LRRC28: variants seen among roughly 807,000 people sequenced by gnomAD.
LRRC28 encodes leucine-rich repeat-containing protein 28.
A neutral mutation model predicts 45.7 loss-of-function variants in LRRC28; 39 were observed. That is an observed-to-expected ratio of 0.85 (90% CI 0.66 to 1.12). The LOEUF is 1.12. Among genes scored for constraint, LRRC28 ranks in the 50% most tolerant of loss-of-function variants. LRRC28 has a pLI of 0.00. For missense variants in LRRC28, 435 were observed against 438.5 expected (o/e 0.99, Z 0.07); for synonymous variants, 206 against 178.8 (o/e 1.15, Z -1.22).
chr15:99,354,557 C>T lies in LRRC28; in HGVS notation c.695+2086C>T, dbSNP rs532617037. Among the ~76,000 whole-genome samples, 9 of 152,282 alleles carry T rather than the reference C, an allele frequency of 5.9e-5. No individual in the cohort carries two copies. The South Asian group carries it at 8.3e-4, about 14-fold the overall frequency. On this transcript the variant is annotated intron_variant, in intron 7 of 9. Transcript: ENST00000301981. ...AAAGTGCCCTTCTTGATTCAGAACACGAATTTTGGTCCAGTTGTTCCTTCA... is the reference window on the plus strand; with the variant it reads ...AAAGTGCCCTTCTTGATTCAGAACATGAATTTTGGTCCAGTTGTTCCTTCA...
At position 99,387,634 on chromosome 15, in the gene LRRC28, T is replaced by G. The variant is rs1482204558; in HGVS notation, c.*1532T>G. The G allele has an allele frequency of 1.3e-5, 2 of 152,234 alleles. No individual in the cohort carries two copies. The highest frequency in any genetic ancestry group is 6.5e-5 in the Admixed American group (1 of 15,284). 9.4% of individuals were successfully genotyped at this position (152,234 alleles called of 1,614,324 possible). A position where few individuals can be genotyped will look rare whatever the true frequency, so the allele number is the denominator to read the frequency against. ...TGCTCTTCCTTTCAAAGGATGGCAT[T>G]TTAATGTTGCTTTGCTGCCAGATGT... On this transcript the variant is annotated 3_prime_UTR_variant, in exon 10 of 10. Transcript: ENST00000301981.
chr15:99,379,820 G>T (rs550240998), intron 9 of LRRC28, among the ~76,000 whole-genome samples: 2 of 152,318 alleles, frequency 1.3e-5, no homozygotes, highest in South Asian at 4.1e-4. Context: ...TTCAGGAGCA[G>T]GTTGTTCAGT....
At chr15:99,263,424 A>G (rs922482020) in intron 2 of LRRC28, among the ~76,000 whole-genome samples, 4 of 152,100 alleles carry the variant, frequency 2.6e-5, no homozygotes, top group African/African-American at 2.4e-5. Flanking sequence ...TTTAAATGCA[A>G]TTTAGGAATT....
intron 2 of LRRC28, among the ~76,000 whole-genome samples, chr15:99,275,895 C>G (rs1008559939): frequency 1.3e-5 from 2 of 152,146 alleles, no homozygotes; most frequent in African/African-American, 4.8e-5. Flanking sequence ...CTGTTAGGAA[C>G]GGGGCCGCAC....
chr15:99,278,692 C>A (rs1484314464), intron 3 of LRRC28, among the ~76,000 whole-genome samples: 2 of 152,140 alleles, frequency 1.3e-5, no homozygotes, highest in Non-Finnish European at 2.9e-5. Context: ...AACAACTTAC[C>A]CCCAAATGTA....
chr15:99,290,129 T>A (rs1211455040), intron 5 of LRRC28, among the ~76,000 whole-genome samples: 1 of 151,178 alleles, frequency 6.6e-6, no homozygotes, highest in Non-Finnish European at 1.5e-5. Context: ...GTGGTGGCAT[T>A]GTGCCTATAG....
intron 2 of LRRC28, among the ~76,000 whole-genome samples, chr15:99,257,480 A>T (rs1002554899): frequency 2.6e-5 from 4 of 152,234 alleles, no homozygotes; most frequent in Non-Finnish European, 5.9e-5. Flanking sequence ...CCAATGGGGT[A>T]GACTTTGTTC....
chr15:99,269,741 A>G (rs2081424932), intron 2 of LRRC28, among the ~76,000 whole-genome samples: 1 of 152,186 alleles, frequency 6.6e-6, no homozygotes, highest in Non-Finnish European at 1.5e-5. Context: ...TTAAAAATTC[A>G]GTTCCTCCAT....
At chr15:99,287,464 T>A (rs1380928962) in intron 4 of LRRC28, among the ~76,000 whole-genome samples, 170 bp downstream of exon 4, 1 of 152,222 alleles carries the variant, frequency 6.6e-6, no homozygotes, top group African/African-American at 2.4e-5. Flanking sequence ...ATGGTTATAA[T>A]GGTTAGGTAA....
intron 7 of LRRC28, among the ~76,000 whole-genome samples, chr15:99,354,470 G>C (rs1956986810): frequency 6.6e-6 from 1 of 152,158 alleles, no homozygotes; most frequent in Non-Finnish European, 1.5e-5. Context: ...AGGGGGAAGG[G>C]GTAGTAGCAC....
At chr15:99,365,786 C>A (rs956666941) in intron 9 of LRRC28, among the ~76,000 whole-genome samples, 1 of 152,044 alleles carries the variant, frequency 6.6e-6, no homozygotes, top group Non-Finnish European at 1.5e-5. Context: ...TAGTTTCAAC[C>A]TAAATTTAAT....
At chr15:99,348,488 T>C (rs1181023676) in intron 6 of LRRC28, among the ~76,000 whole-genome samples, 1 of 152,198 alleles carries the variant, frequency 6.6e-6, no homozygotes, top group Non-Finnish European at 1.5e-5. Flanking sequence ...TTCTTTTGCA[T>C]GTGGAAATCC....
At chr15:99,301,769 C>T (rs976973758) in intron 5 of LRRC28, among the ~76,000 whole-genome samples, 7 of 152,082 alleles carry the variant, frequency 4.6e-5, no homozygotes, top group African/African-American at 1.7e-4. Context: ...TACATATTAC[C>T]AGTGTTTGTT....
At chr15:99,316,733 A>C (rs1009560075) in intron 5 of LRRC28, among the ~76,000 whole-genome samples, 1 of 132,564 alleles carries the variant, frequency 7.5e-6, no homozygotes, top group Admixed American at 7.6e-5. Flanking sequence ...AAAAAAAAAA[A>C]CTCTTTGAAC....
At chr15:99,300,964 A>C (rs1245060691) in intron 5 of LRRC28, among the ~76,000 whole-genome samples, 2 of 152,348 alleles carry the variant, frequency 1.3e-5, no homozygotes, top group Non-Finnish European at 2.9e-5. Context: ...ATGTTCAAAA[A>C]TGTGAGATAA....
At position 99,259,546 on chromosome 15, in the gene LRRC28, G is replaced by A. The variant is rs552243585; in HGVS notation, c.168+3421G>A. On this transcript the variant is annotated intron_variant, in intron 2 of 9. Coordinates refer to ENST00000301981, the MANE Select transcript of LRRC28 (RefSeq NM_144598.5). Reference sequence around the variant, plus strand: ...TATCTCAGTGCCTGACAGAATCTCTGTGTGCTTTGGTGGCCAGCCAGTACG... The same window carrying A: ...TATCTCAGTGCCTGACAGAATCTCTATGTGCTTTGGTGGCCAGCCAGTACG... 23 of 1,274,556 alleles carry A rather than the reference G, an allele frequency of 1.8e-5. No individual in the cohort carries two copies. The East Asian group carries it at 2.1e-4, about 11-fold the overall frequency. The allele number at this position is 1,274,556 out of a possible 1,614,324, so 79.0% of individuals were successfully genotyped here.
At chr15:99,315,188 ATTAT>A (rs1955550640) in intron 5 of LRRC28, among the ~76,000 whole-genome samples, 2 of 152,160 alleles carry the variant, frequency 1.3e-5, no homozygotes, top group South Asian at 4.1e-4. Flanking sequence ...TTCAGTGTTG[ATTAT>A]TTATTTAAAA....
chr15:99,346,332 A>T (rs1453053208), intron 6 of LRRC28, among the ~76,000 whole-genome samples: 1 of 151,884 alleles, frequency 6.6e-6, no homozygotes, highest in Non-Finnish European at 1.5e-5. Context: ...ATGTGCCACC[A>T]CTCCCAGCTA....
intron 2 of LRRC28, among the ~76,000 whole-genome samples, chr15:99,273,505 GA>G (rs1201569921): frequency 2.0e-5 from 3 of 152,108 alleles, no homozygotes; most frequent in African/African-American, 7.2e-5. Context: ...CCAAAGTGCT[GA>G]GATTACAGGC....
Sources: allele counts gnomAD v4.1 joint callset (sites outside exome capture counted in the v4.1 genomes callset), GRCh38; gene constraint gnomAD v4.1.1; transcripts MANE v1.5; gene names NCBI Gene and HGNC (gene_info 2026-07-23, HGNC 2026-07-21).